The following MYT1L variants were observed in gnomAD, a reference collection of about 807,000 sequenced individuals.
MYT1L encodes myelin transcription factor 1-like protein.
Under a neutral mutation model 126.7 loss-of-function variants are expected in MYT1L, and 12 were observed. The observed-to-expected ratio is 0.09, with a 90% CI of 0.06 to 0.15. The LOEUF (loss-of-function observed/expected upper bound fraction) is 0.15, where lower values mean the gene tolerates loss of function less well. Among genes scored for constraint, MYT1L ranks in the 10% least tolerant of loss-of-function variants. The probability of loss-of-function intolerance (pLI) is 1.00; values close to 1 mark genes in which losing one functional copy is unlikely to be tolerated. For synonymous variants in MYT1L, 541 were observed against 604.2 expected, an observed-to-expected ratio of 0.90 and a Z score of 1.53; for missense variants, 979 against 1,585.2, an observed-to-expected ratio of 0.62 and a Z score of 6.49.
chr2:2,141,664 GT>G (rs2083999370), intron 3 of MYT1L, among the ~76,000 whole-genome samples: 1 of 152,182 alleles, frequency 6.6e-6, no homozygotes, highest in Admixed American at 6.5e-5. Flanking sequence ...GCCAATAATA[GT>G]TTCTGGCATA....
intron 1 of MYT1L, among the ~76,000 whole-genome samples, chr2:2,296,991 A>G (rs2095704596): frequency 6.6e-6 from 1 of 152,140 alleles, no homozygotes; most frequent in African/African-American, 2.4e-5. Flanking sequence ...GTTTCTCTGC[A>G]GGAAGCTGGA....
In MYT1L at chr2:2,055,317, A is replaced by G. The variant is rs150318777; in HGVS notation, c.-303-1194T>C. Among the ~76,000 whole-genome samples the G allele has an allele frequency of 1.1e-4, 16 of 152,348 alleles. No homozygotes were observed. In the East Asian group the frequency reaches 3.1e-3, roughly 29 times the overall value. ...TCCTTCTCAGTTCAAAGGATAGCAA[A>G]TAAGTTGTGATTTCCACATAAAAGA... On this transcript the variant is annotated intron_variant, in intron 3 of 24. Coordinates refer to ENST00000647738, the MANE Select transcript of MYT1L (RefSeq NM_001303052.2).
chr2:2,033,341 C>T (rs1301716454), intron 4 of MYT1L, among the ~76,000 whole-genome samples: 2 of 143,772 alleles, frequency 1.4e-5, no homozygotes, highest in Non-Finnish European at 3.0e-5. Flanking sequence ...TGCCTCTCAT[C>T]CTGTGGCCCA....
chr2:2,184,904 A>G (rs1241846590), intron 2 of MYT1L, among the ~76,000 whole-genome samples: 1 of 152,216 alleles, frequency 6.6e-6, no homozygotes, highest in Non-Finnish European at 1.5e-5. Flanking sequence ...TTAGCTGGCA[A>G]CTGTGCAAAG....
At chr2:1,839,093 C>T in intron 21 of MYT1L, 56 bp downstream of exon 21, 3 of 1,476,882 alleles carry the variant, frequency 2.0e-6, no homozygotes, top group Non-Finnish European at 2.8e-6. Context: ...CCAGCCGTGC[C>T]AGTCGGCTCT....
intron 3 of MYT1L, among the ~76,000 whole-genome samples, chr2:2,134,393 A>G (rs17247366): frequency 0.029 from 4,351 of 152,320 alleles, 109 homozygotes; most frequent in Non-Finnish European, 0.044. Context: ...AAGCTGGATC[A>G]TTATTATTAG....
At chr2:2,031,772 A>G (rs540741947) in intron 4 of MYT1L, among the ~76,000 whole-genome samples, 1 of 139,544 alleles carries the variant, frequency 7.2e-6, no homozygotes, top group African/African-American at 2.7e-5. Context: ...GGCCTTATAC[A>G]CACCCCTCGC....
intron 8 of MYT1L, among the ~76,000 whole-genome samples, chr2:1,964,477 CA>C: frequency 6.6e-6 from 1 of 152,248 alleles, no homozygotes; most frequent in Non-Finnish European, 1.5e-5. Flanking sequence ...AACTTCACTG[CA>C]AACTGCAATA....
intron 2 of MYT1L, among the ~76,000 whole-genome samples, chr2:2,269,547 T>A (rs934426648): frequency 2.0e-5 from 3 of 152,176 alleles, no homozygotes; most frequent in Non-Finnish European, 4.4e-5. Flanking sequence ...CCATCCTACT[T>A]CTGCCTTGCA....
At chr2:1,905,543 AG>A (rs558727876) in intron 13 of MYT1L, among the ~76,000 whole-genome samples, 201 of 152,116 alleles carry the variant, frequency 1.3e-3, no homozygotes, top group Non-Finnish European at 2.4e-3. Context: ...TAGTGGAGAC[AG>A]GGTTTCACCA....
At position 2,017,704 on chromosome 2, in the gene MYT1L, C is replaced by T. The variant is rs2064570717; in HGVS notation, c.-157-20357G>A. Among the ~76,000 whole-genome samples, 3 of 152,118 alleles carry T rather than the reference C, an allele frequency of 2.0e-5. No homozygotes were observed. In the East Asian group the frequency reaches 5.8e-4, roughly 29 times the overall value. ...AAATTATAAGTATAATCCTATCTAT[C>T]TATCTATCTAACCATCCATCCCTCC... On this transcript the variant is annotated intron_variant, in intron 4 of 24. Transcript: ENST00000647738.
chr2:2,287,162 A>G (rs2095533382), intron 1 of MYT1L, among the ~76,000 whole-genome samples: 1 of 152,192 alleles, frequency 6.6e-6, no homozygotes, highest in African/African-American at 2.4e-5. Flanking sequence ...AGGCTGAGGC[A>G]GGAGAATAGC....
intron 18 of MYT1L, among the ~76,000 whole-genome samples, chr2:1,867,298 G>A (rs2045704669): frequency 6.6e-6 from 1 of 152,096 alleles, no homozygotes; most frequent in Non-Finnish European, 1.5e-5. Flanking sequence ...TTGCTGGGAA[G>A]TAAACCGAGG....
intron 18 of MYT1L, among the ~76,000 whole-genome samples, chr2:1,864,406 C>T (rs903271598): frequency 1.3e-5 from 2 of 152,238 alleles, no homozygotes; most frequent in Non-Finnish European, 2.9e-5. Flanking sequence ...GCCGCTCCCT[C>T]CCTGCCAGCT....
Position 1,929,044 on chromosome 2 carries a change from G to A in MYT1L, c.506-5781C>T, listed in dbSNP as rs1473672261. Among the ~76,000 whole-genome samples, 1 of 152,084 alleles carries A rather than the reference G, an allele frequency of 6.6e-6. No individual in the cohort carries two copies. The highest frequency in any genetic ancestry group is 1.5e-5 in the Non-Finnish European group (1 of 68,006). On this transcript the variant is annotated intron_variant, in intron 9 of 24. Coordinates refer to ENST00000647738, the MANE Select transcript of MYT1L (RefSeq NM_001303052.2). This position sits in a 1 kb window ranked among gnomAD's most constrained non-coding sequence, Gnocchi z 4.7. The stretch of plus-strand genomic sequence containing the variant: ...ATGCAGGCAGTGGTCGCATGTTTAT[G>A]TGGAGCCCCTGGCTACTCCCCTGGC...
intron 4 of MYT1L, among the ~76,000 whole-genome samples, chr2:2,011,030 T>C (rs546884297): frequency 2.0e-4 from 30 of 152,290 alleles, no homozygotes; most frequent in Non-Finnish European, 4.3e-4. Context: ...AGCATGTCCC[T>C]ATCTCACACT....
intron 2 of MYT1L, among the ~76,000 whole-genome samples, chr2:2,283,049 T>A (rs2095471757): frequency 6.6e-6 from 1 of 152,218 alleles, no homozygotes; most frequent in Non-Finnish European, 1.5e-5. Flanking sequence ...CACTCCAGCC[T>A]GGGTGACAGA....
Position 1,943,375 on chromosome 2 carries a change from A to C in MYT1L, c.153-41T>G. On this transcript the variant is annotated intron_variant, in intron 8 of 24. Coordinates refer to ENST00000647738, the MANE Select transcript of MYT1L (RefSeq NM_001303052.2). The surrounding 1 kb of genome is among the most constrained non-coding windows in gnomAD (Gnocchi z 4.4). ...GAGAAGGCAGGGGAGAGAGAGAAAA[A>C]AAATATCTGTGTTACTGTCTTTTAA... is the stretch of plus-strand genomic sequence containing the variant. 5 of 1,488,862 alleles carry C rather than the reference A, an allele frequency of 3.4e-6. No homozygotes were observed. The highest frequency in any genetic ancestry group is 4.5e-6 in the Non-Finnish European group (5 of 1,121,578). The allele number at this position is 1,488,862 out of a possible 1,614,324, so 92.2% of individuals were successfully genotyped here. A position where few individuals can be genotyped will look rare whatever the true frequency, so the allele number is the denominator to read the frequency against.
At chr2:1,924,595 T>C (rs978229948) in intron 9 of MYT1L, among the ~76,000 whole-genome samples, 1 of 152,190 alleles carries the variant, frequency 6.6e-6, no homozygotes, top group African/African-American at 2.4e-5. Flanking sequence ...AATATGTCAA[T>C]AACAGAAAAT....
Sources: allele counts gnomAD v4.1 joint callset (sites outside exome capture counted in the v4.1 genomes callset), GRCh38; gene constraint gnomAD v4.1.1; non-coding constraint Gnocchi (gnomAD v3.1); transcripts MANE v1.5; gene names NCBI Gene and HGNC (gene_info 2026-07-23, HGNC 2026-07-21).